CNTN1: variants seen among roughly 807,000 people sequenced by gnomAD.
CNTN1 encodes the protein contactin-1.
A neutral mutation model predicts 126.4 loss-of-function variants in CNTN1; 38 were observed. The observed-to-expected ratio is 0.30, with a 90% CI of 0.23 to 0.39. The LOEUF is 0.39. Ranked by LOEUF, CNTN1 falls within the 10% of genes least tolerant of loss-of-function variation. CNTN1 has a pLI of 1.00. For synonymous variants in CNTN1, 413 were observed against 422.6 expected, an observed-to-expected ratio of 0.98 and a Z score of 0.28; for missense variants, 1,009 against 1,248.4, an observed-to-expected ratio of 0.81 and a Z score of 2.89.
chr12:40,886,692 T>C (rs1005765264), intron 1 of CNTN1, among the ~76,000 whole-genome samples: 6 of 152,244 alleles, frequency 3.9e-5, no homozygotes, highest in Non-Finnish European at 8.8e-5. Context: ...AGGGTTTCTA[T>C]GGCTTTAGGT....
At chr12:41,065,683 T>G (rs550399874) in intron 23 of CNTN1, among the ~76,000 whole-genome samples, 1 of 152,196 alleles carries the variant, frequency 6.6e-6, no homozygotes, top group South Asian at 2.1e-4. Flanking sequence ...AGTCCAGCAA[T>G]TGGGTATTCC....
At chr12:41,038,467 A>G (rs1949320890) in intron 23 of CNTN1, among the ~76,000 whole-genome samples, 2 of 151,940 alleles carry the variant, frequency 1.3e-5, no homozygotes, top group Admixed American at 6.6e-5. Context: ...TGTGTGTGCA[A>G]GCATGTGTGT....
At chr12:41,065,665 G>T (rs1950035178) in intron 23 of CNTN1, among the ~76,000 whole-genome samples, 2 of 152,132 alleles carry the variant, frequency 1.3e-5, no homozygotes, top group Admixed American at 6.5e-5. Context: ...CTGTCATGAG[G>T]GGAGTGCAGT....
intron 1 of CNTN1, among the ~76,000 whole-genome samples, chr12:40,701,015 T>C (rs1941581076): frequency 6.6e-6 from 1 of 152,222 alleles, no homozygotes; most frequent in East Asian, 1.9e-4. Context: ...ACCCAGATTG[T>C]CTGACTCTGA....
At chr12:40,838,460 T>A (rs73118736) in intron 1 of CNTN1, among the ~76,000 whole-genome samples, 3,174 of 152,244 alleles carry the variant, frequency 0.021, 109 homozygotes, top group African/African-American at 0.072. Context: ...GAGCAAGACA[T>A]CTGGAGTTTC....
At chr12:40,797,122 G>A (rs975331430) in intron 1 of CNTN1, among the ~76,000 whole-genome samples, 1 of 151,974 alleles carries the variant, frequency 6.6e-6, no homozygotes, top group African/African-American at 2.4e-5. Context: ...CCCCCTATGT[G>A]CCCAATACAG....
At chr12:40,693,628 T>G (rs1027974009) in intron 1 of CNTN1, among the ~76,000 whole-genome samples, 1 of 152,202 alleles carries the variant, frequency 6.6e-6, no homozygotes, top group Admixed American at 6.5e-5. Flanking sequence ...TTATTTATTT[T>G]CATGCCAAAC....
intron 9 of CNTN1, among the ~76,000 whole-genome samples, chr12:40,935,904 G>A (rs1946063769): frequency 6.6e-6 from 1 of 151,894 alleles, no homozygotes; most frequent in South Asian, 2.1e-4. Context: ...CTTGTTAAAT[G>A]TTTTTTATAA....
intron 1 of CNTN1, among the ~76,000 whole-genome samples, chr12:40,858,649 ATCTT>A (rs1943003557): frequency 6.6e-6 from 1 of 152,166 alleles, no homozygotes; most frequent in African/African-American, 2.4e-5. Flanking sequence ...AGGATTATTA[ATCTT>A]TCTATTACAG....
intron 1 of CNTN1, among the ~76,000 whole-genome samples, chr12:40,756,616 G>A (rs1938618699): frequency 6.6e-6 from 1 of 152,112 alleles, no homozygotes. Flanking sequence ...AGGGTTGTTA[G>A]GAAAGGCATT....
At chr12:40,941,222 A>AT (rs1344026765) in intron 12 of CNTN1, among the ~76,000 whole-genome samples, 5 of 152,158 alleles carry the variant, frequency 3.3e-5, no homozygotes, top group Admixed American at 2.6e-4. Flanking sequence ...TATAAATCTA[A>AT]TTTTTACTTA....
intron 23 of CNTN1, among the ~76,000 whole-genome samples, chr12:41,066,925 A>G (rs910352509): frequency 1.3e-5 from 2 of 152,224 alleles, no homozygotes; most frequent in African/African-American, 4.8e-5. Flanking sequence ...AAAATTATTC[A>G]CAAGATCAAT....
intron 1 of CNTN1, among the ~76,000 whole-genome samples, chr12:40,765,956 T>G (rs1320558211): frequency 6.6e-6 from 1 of 152,124 alleles, no homozygotes; most frequent in Non-Finnish European, 1.5e-5. Context: ...ATATCCAATG[T>G]TGTGGAAGCT....
rs560841523 is a variant in CNTN1 at position 40,813,060 on chromosome 12, T to C, written c.-76-95297T>C. Among the ~76,000 whole-genome samples, 944 of 117,104 alleles carry C rather than the reference T, an allele frequency of 8.1e-3. 15 individuals are homozygous for C. Among genetic ancestry groups the C allele is most frequent in the African/African-American group, 0.029 (877 of 29,978 alleles). The allele number at this position is 117,104 out of a possible 152,430, so 76.8% of individuals were successfully genotyped here. A position where few individuals can be genotyped will look rare whatever the true frequency, so the allele number is the denominator to read the frequency against. On this transcript the variant is annotated intron_variant, in intron 1 of 23. Transcript: ENST00000551295. ...TTTCCTTTCTTTCTTTCTTTCTTTC[T>C]TCCTTCCTTCCTTCCTTCCTTCCTT... is the stretch of plus-strand genomic sequence containing the variant.
chr12:40,819,452 G>A (rs1941371375), intron 1 of CNTN1, among the ~76,000 whole-genome samples: 1 of 152,158 alleles, frequency 6.6e-6, no homozygotes, highest in Non-Finnish European at 1.5e-5. Flanking sequence ...ACCTGAAGAG[G>A]CACTCTGGCC....
chr12:40,749,587 T>G (rs896664522), intron 1 of CNTN1, among the ~76,000 whole-genome samples: 1 of 96,526 alleles, frequency 1.0e-5, no homozygotes, highest in Non-Finnish European at 2.4e-5. Context: ...ACAATGGTAA[T>G]AGTAGTAGTT....
intron 6 of CNTN1, among the ~76,000 whole-genome samples, chr12:40,926,953 G>A (rs1421308894): frequency 6.6e-6 from 1 of 152,106 alleles, no homozygotes; most frequent in Admixed American, 6.6e-5. Flanking sequence ...AGGAATAGAT[G>A]TGGACATGTT....
At chr12:40,819,477 G>A (rs926306393) in intron 1 of CNTN1, among the ~76,000 whole-genome samples, 1 of 152,202 alleles carries the variant, frequency 6.6e-6, no homozygotes, top group African/African-American at 2.4e-5. Context: ...TCCACAGCAA[G>A]TGTGCTGTGC....
At chr12:40,852,297 G>T (rs1942748976) in intron 1 of CNTN1, among the ~76,000 whole-genome samples, 1 of 152,126 alleles carries the variant, frequency 6.6e-6, no homozygotes, top group South Asian at 2.1e-4. Flanking sequence ...CTTAAGGTTG[G>T]TATGAAAGCC....
Sources: allele counts gnomAD v4.1 joint callset (sites outside exome capture counted in the v4.1 genomes callset), GRCh38; gene constraint gnomAD v4.1.1; transcripts MANE v1.5; gene names NCBI Gene and HGNC (gene_info 2026-07-23, HGNC 2026-07-21).